LARP1: variants seen among roughly 807,000 people sequenced by gnomAD.
LARP1 encodes the protein La ribonucleoprotein 1, translational regulator, also known as la-related protein 1.
Under a neutral mutation model 122.7 loss-of-function variants are expected in LARP1, and 36 were observed. The observed-to-expected ratio is 0.29, with a 90% CI of 0.22 to 0.39. LARP1 has a LOEUF of 0.39. Among genes scored for constraint, LARP1 ranks in the 10% least tolerant of loss-of-function variants. The probability of loss-of-function intolerance (pLI) is 1.00; values close to 1 mark genes in which losing one functional copy is unlikely to be tolerated. For synonymous variants in LARP1, 539 were observed against 528.7 expected, an observed-to-expected ratio of 1.02 and a Z score of -0.27; for missense variants, 1,040 against 1,403.6, an observed-to-expected ratio of 0.74 and a Z score of 4.14.
chr5:154,796,139 TTTA>T (rs2113800521), intron 8 of LARP1, among the ~76,000 whole-genome samples: 1 of 127,498 alleles, frequency 7.8e-6, no homozygotes, highest in South Asian at 2.2e-4. Context: ...ATTTTATATA[TTTA>T]TATATTATAT....
At position 154,756,016 on chromosome 5, in the gene LARP1, C is replaced by A; in HGVS notation, c.259C>A (p.Pro87Thr). ...RPLQLPGAEG[P>T]AISDGEEGGG... is the part of the protein sequence containing the mutation. ...GCTGCAGCTGCCCGGCGCCGAAGGC[C>A]CGGCCATCAGCGACGGGGAGGAGGG... Residue 87 changes from proline to threonine, a missense_variant, in exon 1 of 19, where the codon CCG becomes ACG. Transcript: ENST00000518297. 1 of 1,031,758 alleles carries A rather than the reference C, an allele frequency of 9.7e-7. No homozygotes were observed. The highest frequency in any genetic ancestry group is 1.2e-6 in the Non-Finnish European group (1 of 860,440). 63.9% of individuals were successfully genotyped at this position (1,031,758 alleles called of 1,614,324 possible).
intron 1 of LARP1, among the ~76,000 whole-genome samples, chr5:154,694,935 C>T (rs1467974976): frequency 2.6e-5 from 4 of 152,028 alleles, no homozygotes; most frequent in Non-Finnish European, 5.9e-5. Flanking sequence ...CTCCTGGACT[C>T]AAGCAATCTT....
intron 1 of LARP1, among the ~76,000 whole-genome samples, chr5:154,715,495 G>A (rs1192463215): frequency 1.3e-5 from 2 of 151,790 alleles, no homozygotes; most frequent in African/African-American, 2.4e-5. Flanking sequence ...TGCCCGCCTC[G>A]GCTTCTCAAA....
intron 1 of LARP1, among the ~76,000 whole-genome samples, chr5:154,745,824 TC>T (rs1179015061): frequency 6.7e-6 from 1 of 149,576 alleles, no homozygotes; most frequent in Non-Finnish European, 1.5e-5. Flanking sequence ...TGAGACGAAG[TC>T]TCACTCTGTT....
At position 154,803,882 on chromosome 5, in the gene LARP1, G is replaced by A; in HGVS notation, c.2439+137G>A. 1 of 941,004 alleles carries A rather than the reference G, an allele frequency of 1.1e-6. No homozygotes were observed. Among genetic ancestry groups the A allele is most frequent in the Non-Finnish European group, 1.6e-6 (1 of 616,214 alleles). The allele number at this position is 941,004 out of a possible 1,614,324, so 58.3% of individuals were successfully genotyped here. A position where few individuals can be genotyped will look rare whatever the true frequency, so the allele number is the denominator to read the frequency against. On this transcript the variant is annotated intron_variant, in intron 13 of 18. Coordinates refer to ENST00000518297, the MANE Select transcript of LARP1 (RefSeq NM_033551.3). This position sits in a 1 kb window ranked among gnomAD's most constrained non-coding sequence, Gnocchi z 4.4. ...CTGCTCTGTGTTCTGAGGCTGGTGG[G>A]CTTACCTAGGATTAGGTAGCCACAT...
At chr5:154,736,846 G>T (rs2113436350) in intron 1 of LARP1, among the ~76,000 whole-genome samples, 1 of 152,076 alleles carries the variant, frequency 6.6e-6, no homozygotes, top group Non-Finnish European at 1.5e-5. Context: ...GATTACAGAT[G>T]TGAGCCACCA....
chr5:154,692,945 A>T (rs1754290904), intron 1 of LARP1, among the ~76,000 whole-genome samples: 1 of 148,984 alleles, frequency 6.7e-6, no homozygotes, highest in Non-Finnish European at 1.5e-5. Context: ...GTAGCTAGGG[A>T]CTACAGACAC....
intron 1 of LARP1, among the ~76,000 whole-genome samples, chr5:154,741,239 T>A (rs1752867424): frequency 6.6e-6 from 1 of 152,216 alleles, no homozygotes; most frequent in South Asian, 2.1e-4. Context: ...CCAAGGGCTC[T>A]CAGTAACACC....
At position 154,793,950 on chromosome 5, in the gene LARP1, G is replaced by A. The variant is rs759446230; in HGVS notation, c.1019G>A (p.Arg340His). The A allele has an allele frequency of 5.6e-6, 9 of 1,612,946 alleles. No individual in the cohort carries two copies. Among genetic ancestry groups the A allele is most frequent in the East Asian group, 4.5e-5 (2 of 44,856 alleles). The change falls in exon 6 of 19, where the codon CGT becomes CAT. Residue 340 changes from arginine to histidine, a missense_variant. Physicochemically the swap from Arg to His is conservative, Grantham distance 29. Around this residue, in one of 8 missense-constraint regions of LARP1, gnomAD observed 178 missense variants for 178.3 expected, o/e 1.00. Transcript: ENST00000518297. Reference protein sequence around the residue: ...AGGARASFRGRGRGRGRGRGR... With the variant: ...AGGARASFRGHGRGRGRGRGR... ...GGGGCGCGGGCTTCCTTCCGTGGCC[G>A]TGGACGGGGGCGTGGTCGCGGCCGG...
At chr5:154,752,831 C>G (rs1167910281), upstream of LARP1, among the ~76,000 whole-genome samples, 2 of 151,724 alleles carry the variant, frequency 1.3e-5, no homozygotes, top group East Asian at 3.9e-4. Flanking sequence ...TCCAGCTACT[C>G]AGGAGGCTGA....
chr5:154,757,089 G>T (rs1442280020), intron 1 of LARP1: 1 of 149,216 alleles, frequency 6.7e-6, no homozygotes, highest in Admixed American at 6.7e-5. Context: ...GAGGGTGCGG[G>T]CCCGCGGCGC....
At chr5:154,710,889 T>C (rs186356448), upstream of LARP1, among the ~76,000 whole-genome samples, 2 of 152,282 alleles carry the variant, frequency 1.3e-5, no homozygotes, top group African/African-American at 4.8e-5. Context: ...CAAACTCACT[T>C]GCTTTATTAC....
In LARP1 at chr5:154,722,076, C is replaced by G. The variant is rs528161221; in HGVS notation, c.205+8946C>G. On this transcript the variant is annotated intron_variant, in intron 1 of 18. Transcript: ENST00000336314. ...CCCCAATTTCTCTCTGTGCCTCAGGCTGCCTTCCATGGAGCCAAAACACGT... is the reference window on the plus strand; with the variant it reads ...CCCCAATTTCTCTCTGTGCCTCAGGGTGCCTTCCATGGAGCCAAAACACGT... 2.1e-4 allele frequency among the ~76,000 whole-genome samples: 32 copies of G among 152,330 alleles called. No individual in the cohort carries two copies. The East Asian group carries it at 5.8e-3, about 28-fold the overall frequency.
chr5:154,791,377 C>G (rs986592638), intron 3 of LARP1, among the ~76,000 whole-genome samples: 2 of 151,536 alleles, frequency 1.3e-5, no homozygotes, highest in Admixed American at 1.3e-4. Flanking sequence ...TCATGCCTGG[C>G]TAATTTTTGT....
In LARP1 at chr5:154,790,391, AG is replaced by A. The variant is rs1254830161; in HGVS notation, c.498+6del. ...AAACAGCGCAAAGGCAGCAAGGTAA[AG>A]AATAACAGTGGGCAACCCAAGGGGA... On this transcript the variant is annotated splice_donor_region_variant and intron_variant, in intron 2 of 18. Transcript: ENST00000518297. 1 of 1,612,916 alleles carries A rather than the reference AG, an allele frequency of 6.2e-7. No individual in the cohort carries two copies. Among genetic ancestry groups the A allele is most frequent in the African/African-American group, 1.3e-5 (1 of 74,914 alleles).
chr5:154,735,545 T>TTTA (rs1756835022), intron 1 of LARP1, among the ~76,000 whole-genome samples: 1 of 143,846 alleles, frequency 7.0e-6, no homozygotes, highest in Non-Finnish European at 1.5e-5. Flanking sequence ...TTATTTTTAT[T>TTTA]TTTATTTATT....
intron 1 of LARP1, among the ~76,000 whole-genome samples, chr5:154,699,492 C>CAA (rs34380813): frequency 1.4e-5 from 2 of 147,052 alleles, no homozygotes; most frequent in East Asian, 2.0e-4. Context: ...CCTCTTTCTA[C>CAA]AAAAAAAAAA....
intron 1 of LARP1, among the ~76,000 whole-genome samples, chr5:154,758,781 G>A (rs1224526719): frequency 6.6e-6 from 1 of 152,164 alleles, no homozygotes; most frequent in East Asian, 1.9e-4. Flanking sequence ...TCAAATGTTG[G>A]TGTTTTAGTT....
rs1428398803 is a variant in LARP1, at chr5:154,805,944, C to T, written c.2610C>T (p.Pro870=). ...GSYGCTPQSL[P]KFQHPSHELL... is the part of the protein sequence containing the mutation. ...ATGGCTGTACCCCTCAGTCATTGCC[C>T]AAGTTCCAGCATCCTTCCCATGAAC... The change falls in exon 15 of 19, where the codon CCC becomes CCT. Residue 870 remains proline (P), a synonymous_variant. Transcript: ENST00000518297. The T allele has an allele frequency of 5.0e-6, 8 of 1,614,040 alleles. No homozygotes were observed. The highest frequency in any genetic ancestry group is 5.9e-6 in the Non-Finnish European group (7 of 1,180,034).
Sources: allele counts gnomAD v4.1 joint callset (sites outside exome capture counted in the v4.1 genomes callset), GRCh38; gene constraint gnomAD v4.1.1; regional missense constraint gnomAD v4.1.1; non-coding constraint Gnocchi (gnomAD v3.1); transcripts MANE v1.5; gene names NCBI Gene and HGNC (gene_info 2026-07-23, HGNC 2026-07-21).